The following CHFR variants were observed in gnomAD, a reference collection of about 807,000 sequenced individuals.
CHFR encodes E3 ubiquitin-protein ligase CHFR.
CHFR carries 57 observed loss-of-function variants against 87.6 expected under a neutral mutation model. The observed-to-expected ratio is 0.65, with a 90% CI of 0.53 to 0.81. CHFR has a LOEUF of 0.81. Ranked by LOEUF, CHFR falls within the 30% of genes least tolerant of loss-of-function variation. The probability of loss-of-function intolerance (pLI) is 0.00; values close to 1 mark genes in which losing one functional copy is unlikely to be tolerated. For missense variants in CHFR, 797 were observed against 865.8 expected (o/e 0.92, Z 1.00); for synonymous variants, 381 against 359.2 (o/e 1.06, Z -0.69).
At position 132,838,748 on chromosome 12, in the gene CHFR, G is replaced by A. The variant is rs962438637; in HGVS notation, c.*2806C>T. The A allele has an allele frequency of 1.3e-5, 2 of 152,290 alleles. No homozygotes were observed. Among genetic ancestry groups the A allele is most frequent in the Non-Finnish European group, 2.9e-5 (2 of 68,106 alleles). The allele number at this position is 152,290 out of a possible 1,614,324, so 9.4% of individuals were successfully genotyped here. ...CACCACAGCCGGTCAGTTTTGCTGG[G>A]TGGGATGGCTGGGTCTTGAGGACGA... On this transcript the variant is annotated 3_prime_UTR_variant, in exon 18 of 18. Coordinates refer to ENST00000450056, the MANE Select transcript of CHFR (RefSeq NM_001161346.2).
chr12:132,861,872 T>C (rs1249144583), intron 6 of CHFR: 2 of 508,720 alleles, frequency 3.9e-6, no homozygotes, highest in East Asian at 3.2e-5. Context: ...GAGAAACAAA[T>C]GCGGAGATGT....
chr12:132,847,852 G>A, intron 14 of CHFR: 1 of 1,374,596 alleles, frequency 7.3e-7, no homozygotes, highest in Non-Finnish European at 9.4e-7. Flanking sequence ...ACGAATTGGT[G>A]GCAGGAGGCA....
intron 3 of CHFR, among the ~76,000 whole-genome samples, chr12:132,873,552 G>C (rs1387141636): frequency 6.6e-6 from 1 of 151,778 alleles, no homozygotes; most frequent in African/African-American, 2.4e-5. Context: ...GGCTGGCTAC[G>C]GGGCTGGAGT....
chr12:132,848,406 G>T, intron 13 of CHFR: 1 of 737,654 alleles, frequency 1.4e-6, no homozygotes, highest in Non-Finnish European at 2.3e-6. Context: ...GAACCCCGCT[G>T]CAAGGATTCT....
chr12:132,885,039 G>A (rs1478194742), intron 2 of CHFR, among the ~76,000 whole-genome samples: 2 of 151,706 alleles, frequency 1.3e-5, no homozygotes, highest in Admixed American at 6.6e-5. Context: ...AGTGAGCCGA[G>A]ATCATGCCAC....
chr12:132,853,886 C>A, intron 10 of CHFR: 1 of 366,488 alleles, frequency 2.7e-6, no homozygotes. Context: ...CAAGGGCCAG[C>A]ACGTGCGCGC....
At position 132,853,646 on chromosome 12, in the gene CHFR, C is replaced by CGCAGCCATCACAGCTCA. The variant is rs1421552656; in HGVS notation, c.1230-90_1230-74dup. The CGCAGCCATCACAGCTCA allele has an allele frequency of 5.5e-6, 8 of 1,449,528 alleles. No homozygotes were observed. In the East Asian group the frequency reaches 2.2e-4, roughly 41 times the overall value. The allele number at this position is 1,449,528 out of a possible 1,614,324, so 89.8% of individuals were successfully genotyped here. A position where few individuals can be genotyped will look rare whatever the true frequency, so the allele number is the denominator to read the frequency against. Reference sequence around the variant, plus strand: ...AGGTAGGGCCGGTGCAACGCGGGTCCGCAGCCATCACAGCTCAGCTCCACC... The same window carrying CGCAGCCATCACAGCTCA: ...AGGTAGGGCCGGTGCAACGCGGGTCCGCAGCCATCACAGCTCAGCAGCCATCACAGCTCAGCTCCACC... On this transcript the variant is annotated intron_variant, in intron 10 of 17. Transcript: ENST00000450056.
chr12:132,841,189 T>C lies in CHFR; in HGVS notation c.*365A>G. On this transcript the variant is annotated 3_prime_UTR_variant, in exon 18 of 18. Transcript: ENST00000450056. ...TTTTTGATAAACTTGCCCTTCTCCC[T>C]TGAAACTTTTCCTAAAAACAGACTT... is the stretch of plus-strand genomic sequence containing the variant. The C allele has an allele frequency of 4.8e-6, 1 of 208,428 alleles. No homozygotes were observed. The highest frequency in any genetic ancestry group is 9.7e-6 in the Non-Finnish European group (1 of 103,452). The allele number at this position is 208,428 out of a possible 1,614,324, so 12.9% of individuals were successfully genotyped here.
intron 2 of CHFR, among the ~76,000 whole-genome samples, chr12:132,878,965 G>A (rs1300752069): frequency 1.3e-5 from 2 of 151,306 alleles, no homozygotes; most frequent in Non-Finnish European, 2.9e-5. Flanking sequence ...AAAAGTGACT[G>A]AGCCAACTGT....
intron 6 of CHFR, among the ~76,000 whole-genome samples, chr12:132,865,653 C>CTTTTTTT (rs57560560): frequency 1.0e-4 from 6 of 58,228 alleles, no homozygotes; most frequent in Non-Finnish European, 1.6e-4. Flanking sequence ...GATTACAGGT[C>CTTTTTTT]TTTTTTTTTT....
intron 12 of CHFR, among the ~76,000 whole-genome samples, chr12:132,850,317 G>A (rs1229760713): frequency 6.6e-6 from 1 of 152,182 alleles, no homozygotes; most frequent in Non-Finnish European, 1.5e-5. Flanking sequence ...GAGTCCTTAA[G>A]TCTTATAACG....
chr12:132,870,635 G>T, intron 5 of CHFR, 89 bp downstream of exon 5: 1 of 919,618 alleles, frequency 1.1e-6, no homozygotes, highest in South Asian at 1.5e-5. Flanking sequence ...ACTCCAGCCT[G>T]GGTAACAGAG....
intron 14 of CHFR, 196 bp downstream of exon 14, chr12:132,847,889 T>C: frequency 7.0e-7 from 1 of 1,425,236 alleles, no homozygotes; most frequent in Non-Finnish European, 9.2e-7. Context: ...ATTTTTGGAA[T>C]ACGGAAAAAA....
In CHFR at chr12:132,841,456, A is replaced by AGG. The variant is rs1950702782; in HGVS notation, c.*96_*97dup. 6 of 1,071,870 alleles carry AGG rather than the reference A, an allele frequency of 5.6e-6. No individual in the cohort carries two copies. Among genetic ancestry groups the AGG allele is most frequent in the Non-Finnish European group, 8.7e-6 (6 of 687,316 alleles). The allele number at this position is 1,071,870 out of a possible 1,614,324, so 66.4% of individuals were successfully genotyped here. A position where few individuals can be genotyped will look rare whatever the true frequency, so the allele number is the denominator to read the frequency against. ...TCGGAGACCCTGCGTCCCTTCCCTC[A>AGG]GGGGGCTGTGAAAACACCTTGACGT... On this transcript the variant is annotated 3_prime_UTR_variant, in exon 18 of 18. Coordinates refer to ENST00000450056, the MANE Select transcript of CHFR (RefSeq NM_001161346.2).
chr12:132,850,267 A>G (rs1446498075), intron 12 of CHFR, among the ~76,000 whole-genome samples: 2 of 110,562 alleles, frequency 1.8e-5, no homozygotes, highest in African/African-American at 5.2e-5. Context: ...TCCCTAAAAT[A>G]TAATGTTAGG....
intron 1 of CHFR, 74 bp from the exon 2 acceptor site, chr12:132,887,414 C>T (rs1399469271): frequency 2.6e-6 from 3 of 1,148,196 alleles, no homozygotes; most frequent in East Asian, 7.6e-5. Context: ...CCCCACCCCG[C>T]GGGCCCCGGC....
intron 5 of CHFR, among the ~76,000 whole-genome samples, chr12:132,870,070 G>A (rs968221800): frequency 3.3e-5 from 5 of 151,976 alleles, no homozygotes; most frequent in African/African-American, 4.8e-5. Flanking sequence ...TTAGCCAGGC[G>A]TGCCGGGCGC....
At chr12:132,844,619 T>C (rs1292787816) in intron 15 of CHFR, among the ~76,000 whole-genome samples, 1 of 148,016 alleles carries the variant, frequency 6.8e-6, no homozygotes, top group Non-Finnish European at 1.5e-5. Flanking sequence ...CAATCCCACG[T>C]GGATATAACA....
At chr12:132,849,315 C>T (rs994230426) in intron 12 of CHFR, 1 of 151,748 alleles carries the variant, frequency 6.6e-6, no homozygotes, top group Non-Finnish European at 1.5e-5. Flanking sequence ...GCCTCAGACC[C>T]GTATCGTTTC....
Sources: allele counts gnomAD v4.1 joint callset (sites outside exome capture counted in the v4.1 genomes callset), GRCh38; gene constraint gnomAD v4.1.1; transcripts MANE v1.5; gene names NCBI Gene and HGNC (gene_info 2026-07-23, HGNC 2026-07-21).